The following APOL5 variants were observed in gnomAD, a reference collection of about 807,000 sequenced individuals.
APOL5 encodes the protein apolipoprotein L, 5.
In APOL5, 29 loss-of-function variants were observed where a neutral mutation model predicts 35.5. That is an observed-to-expected ratio of 0.82 (90% CI 0.61 to 1.11). APOL5 has a LOEUF of 1.11. APOL5 is among the 50% of genes most tolerant of loss of function. APOL5 has a pLI of 0.00. For missense variants in APOL5, 514 were observed against 530.4 expected, an observed-to-expected ratio of 0.97 and a Z score of 0.30; for synonymous variants, 188 against 200.2, an observed-to-expected ratio of 0.94 and a Z score of 0.51.
chr22:35,719,539 A>T (rs1260003456), intron 1 of APOL5, among the ~76,000 whole-genome samples: 1 of 152,226 alleles, frequency 6.6e-6, no homozygotes, highest in Non-Finnish European at 1.5e-5. Context: ...GGTGCCTATC[A>T]TTGTGTTGTT....
chr22:35,716,623 T>C (rs1203232021), upstream of APOL5, among the ~76,000 whole-genome samples: 4 of 152,222 alleles, frequency 2.6e-5, no homozygotes, highest in African/African-American at 7.2e-5. Flanking sequence ...ATAATATAGA[T>C]GAGTGAAAAG....
upstream of APOL5, among the ~76,000 whole-genome samples, chr22:35,715,629 G>A (rs1926721503): frequency 6.6e-6 from 1 of 152,226 alleles, no homozygotes; most frequent in African/African-American, 2.4e-5. Context: ...GAGCCACAGA[G>A]CAAGACTGTG....
chr22:35,727,144 C>T lies in APOL5; in HGVS notation c.1076C>T (p.Ser359Phe). ...CCGCAGAAGGCGAGCCAGACCTGTT[C>T]CAGCTCCCGGGGCAGGGCTGTTCGA... ...HLPQKASQTC[S>F]SSRGRAVRGS... The change falls in exon 3 of 5, where the codon TCC (serine) becomes TTC (phenylalanine). Residue 359 changes from serine (S) to phenylalanine (F), a missense_variant. By Grantham distance (155) the Ser-to-Phe change is radical (BLOSUM62 -2). Coordinates refer to ENST00000249044, the MANE Select transcript of APOL5 (RefSeq NM_030642.1). 6.2e-7 allele frequency: 1 copy of T among 1,608,570 alleles called. No homozygotes were observed. Among genetic ancestry groups the T allele is most frequent in the Non-Finnish European group, 8.5e-7 (1 of 1,179,970 alleles).
At chr22:35,721,845 T>C (rs2009169) in intron 2 of APOL5, among the ~76,000 whole-genome samples, 102,520 of 152,072 alleles carry the variant, frequency 0.67, 35,074 homozygotes, top group African/African-American at 0.77. Context: ...CTAACAGAGG[T>C]TGCACTTAAC....
chr22:35,726,794 T>A lies in APOL5; in HGVS notation c.726T>A (p.Asp242Glu), dbSNP rs1244950384. 1 of 1,614,042 alleles carries A rather than the reference T, an allele frequency of 6.2e-7. No homozygotes were observed. The highest frequency in any genetic ancestry group is 8.5e-7 in the Non-Finnish European group (1 of 1,180,044). The change falls in exon 3 of 5, where the codon GAT becomes GAA. Residue 242 changes from aspartate to glutamate, a missense_variant. Transcript: ENST00000249044. ...TAAAAGCTATCCAGGGCATCAAGGA[T>A]CTTCATGCCTACCAGATGGCCAAAT... ...KCVKAIQGIK[D>E]LHAYQMAKSN...
the APOL5 span, among the ~76,000 whole-genome samples, chr22:35,711,647 C>CTT: frequency 4.7e-3 from 689 of 145,726 alleles, 8 homozygotes; most frequent in African/African-American, 0.016. Flanking sequence ...TCCTTCCTTC[C>CTT]CTCCCTCCCT....
upstream of APOL5, among the ~76,000 whole-genome samples, chr22:35,715,687 C>T (rs765632468): frequency 6.7e-5 from 10 of 148,914 alleles, no homozygotes; most frequent in African/African-American, 2.6e-4. Flanking sequence ...AAAAACAAAA[C>T]TTAGTGTCAT....
chr22:35,712,002 T>C, the APOL5 span, among the ~76,000 whole-genome samples: 3 of 151,564 alleles, frequency 2.0e-5, no homozygotes, highest in Non-Finnish European at 4.4e-5. Flanking sequence ...TTTGTTGTTG[T>C]TGTTGCTGTT....
rs547386589 is a variant in APOL5 at position 35,725,406 on chromosome 22, C to T, written c.143-805C>T. Among the ~76,000 whole-genome samples the T allele has an allele frequency of 4.6e-5, 7 of 152,260 alleles. 1 individual carries two copies. The East Asian group carries it at 1.2e-3, about 25-fold the overall frequency. On this transcript the variant is annotated intron_variant, in intron 2 of 4. Transcript: ENST00000249044. The stretch of plus-strand genomic sequence containing the variant: ...TCAGCTTCCCGAGTAGCTTGGACTA[C>T]ACCACACCCGGCTAACTTTTGTATT...
At chr22:35,723,889 G>A (rs1474068618) in intron 2 of APOL5, among the ~76,000 whole-genome samples, 2 of 152,180 alleles carry the variant, frequency 1.3e-5, no homozygotes, top group Admixed American at 6.5e-5. Context: ...CTCTGGAGGC[G>A]GAGGTTGCAG....
chr22:35,711,695 C>G, the APOL5 span, among the ~76,000 whole-genome samples: 3 of 142,664 alleles, frequency 2.1e-5, no homozygotes, highest in Admixed American at 2.1e-4. Flanking sequence ...TTCCTTCCCT[C>G]ACGGAGTTTT....
chr22:35,708,636 G>A, the APOL5 span, among the ~76,000 whole-genome samples: 7 of 152,130 alleles, frequency 4.6e-5, no homozygotes, highest in Admixed American at 6.6e-5. Flanking sequence ...GGGCAGAGCC[G>A]TCCATGGTTA....
chr22:35,713,714 G>T (rs1257644690), upstream of APOL5, among the ~76,000 whole-genome samples: 1 of 152,112 alleles, frequency 6.6e-6, no homozygotes, highest in Non-Finnish European at 1.5e-5. Context: ...TACCATGACT[G>T]CAGCACCAAC....
At chr22:35,717,235 A>ATATATATATAT (rs1555930035), upstream of APOL5, among the ~76,000 whole-genome samples, 235 of 57,642 alleles carry the variant, frequency 4.1e-3, 4 homozygotes, top group African/African-American at 0.017. Context: ...AAAAAAAAAA[A>ATATATATATAT]ATATATATAT....
intron 1 of APOL5, 108 bp downstream of exon 1, chr22:35,718,034 TGCTGGGTGGAGATATA>T (rs1456768097): frequency 1.2e-6 from 1 of 817,778 alleles, no homozygotes; most frequent in East Asian, 3.1e-5. Context: ...CATATGCTAT[TGCTGGGTGGAGATATA>T]GCAGATCCTT....
intron 1 of APOL5, among the ~76,000 whole-genome samples, chr22:35,718,828 C>T (rs1283782753): frequency 6.6e-6 from 1 of 151,980 alleles, no homozygotes; most frequent in African/African-American, 2.4e-5. Flanking sequence ...GAGGCCAAGG[C>T]AGATGTATCA....
intron 2 of APOL5, among the ~76,000 whole-genome samples, chr22:35,721,902 C>T (rs1926983004): frequency 6.6e-6 from 1 of 152,192 alleles, no homozygotes; most frequent in Non-Finnish European, 1.5e-5. Context: ...TTGCAATGCT[C>T]CCGCAATTTA....
At chr22:35,720,776 T>C in intron 2 of APOL5, 122 bp downstream of exon 2, 1 of 703,078 alleles carries the variant, frequency 1.4e-6, no homozygotes, top group Non-Finnish European at 2.4e-6. Context: ...ACAGAGTCTC[T>C]TCTCTGTTGC....
At chr22:35,716,750 T>TA (rs11387924), upstream of APOL5, among the ~76,000 whole-genome samples, 108,064 of 151,364 alleles carry the variant, frequency 0.71, 39,215 homozygotes, top group African/African-American at 0.83. Flanking sequence ...ATATAGTACT[T>TA]AAAAAAAATA....
Sources: allele counts gnomAD v4.1 joint callset (sites outside exome capture counted in the v4.1 genomes callset), GRCh38; gene constraint gnomAD v4.1.1; transcripts MANE v1.5; gene names NCBI Gene and HGNC (gene_info 2026-07-23, HGNC 2026-07-21).